The following EZR variants were observed in gnomAD, a reference collection of about 807,000 sequenced individuals.
EZR encodes the protein cytovillin 2.
EZR carries 40 observed loss-of-function variants against 74.8 expected under a neutral mutation model. The observed-to-expected ratio is 0.53, with a 90% CI of 0.42 to 0.70. The LOEUF (loss-of-function observed/expected upper bound fraction) is 0.70, where lower values mean the gene tolerates loss of function less well. EZR is among the 30% of genes least tolerant of loss of function. The pLI, the probability that EZR is intolerant of heterozygous loss-of-function variation, is 0.00. For synonymous variants in EZR, 341 were observed against 283.3 expected (o/e 1.20, Z -2.05); for missense variants, 678 against 755.8 (o/e 0.90, Z 1.21).
chr6:158,817,175 A>G (rs1583594583), intron 2 of EZR, among the ~76,000 whole-genome samples: 1 of 152,224 alleles, frequency 6.6e-6, no homozygotes, highest in East Asian at 1.9e-4. Context: ...CTGTAATCCC[A>G]ATTTGTAATG....
intron 5 of EZR, among the ~76,000 whole-genome samples, chr6:158,785,040 A>G (rs1456906786): frequency 6.6e-6 from 1 of 152,190 alleles, no homozygotes; most frequent in Non-Finnish European, 1.5e-5. Flanking sequence ...AACCTATCAT[A>G]CCCCAGGAGG....
Position 158,767,354 on chromosome 6 carries a change from C to CGCGCTGTAGCCCGTGGGCTCT in EZR, c.1482_1502dup (p.Pro496_Glu502dup). On this transcript the variant is annotated inframe_insertion, in exon 13 of 14. Coordinates refer to ENST00000367075, the MANE Select transcript of EZR (RefSeq NM_001111077.2). ...CCCGGATGCCCTCACTAGACAGCTC[C>CGCGCTGTAGCCCGTGGGCTCT]GCGCTGTAGCCCGTGGGCTCTGCGC... is the stretch of plus-strand genomic sequence containing the variant. The CGCGCTGTAGCCCGTGGGCTCT allele has an allele frequency of 6.2e-7, 1 of 1,614,066 alleles. No individual in the cohort carries two copies. The highest frequency in any genetic ancestry group is 8.5e-7 in the Non-Finnish European group (1 of 1,179,996).
At chr6:158,776,551 C>T (rs905591467) in intron 7 of EZR, 47 bp from the exon 8 acceptor site, 1 of 1,342,168 alleles carries the variant, frequency 7.5e-7, no homozygotes, top group Non-Finnish European at 1.0e-6. Context: ...TACATATGTT[C>T]TTGGATTGGC....
At chr6:158,816,533 C>G (rs890001236) in intron 2 of EZR, among the ~76,000 whole-genome samples, 1 of 152,194 alleles carries the variant, frequency 6.6e-6, no homozygotes, top group African/African-American at 2.4e-5. Flanking sequence ...GCACTCAGCT[C>G]TGCCTGAGTA....
At chr6:158,769,624 G>C (rs1791033474) in intron 11 of EZR, among the ~76,000 whole-genome samples, 160 bp downstream of exon 11, 1 of 152,124 alleles carries the variant, frequency 6.6e-6, no homozygotes. Flanking sequence ...GGTGACCCTG[G>C]CAACAGCCCA....
chr6:158,803,588 T>C (rs1350531505), intron 2 of EZR, among the ~76,000 whole-genome samples: 26 of 13,202 alleles, frequency 2.0e-3, no homozygotes, highest in South Asian at 7.9e-3. Context: ...TATACATATA[T>C]ATATATATAT....
At chr6:158,779,182 T>C (rs776377719) in intron 7 of EZR, among the ~76,000 whole-genome samples, 3 of 152,242 alleles carry the variant, frequency 2.0e-5, no homozygotes, top group Non-Finnish European at 4.4e-5. Flanking sequence ...AACAGCACTT[T>C]ATTCTTACCA....
At chr6:158,777,174 A>G (rs1220897296) in intron 7 of EZR, among the ~76,000 whole-genome samples, 1 of 152,268 alleles carries the variant, frequency 6.6e-6, no homozygotes, top group Non-Finnish European at 1.5e-5. Context: ...GGGAGGGCCA[A>G]GATCCCATCA....
chr6:158,772,530 C>A (rs1357514349), intron 8 of EZR, among the ~76,000 whole-genome samples: 1 of 152,188 alleles, frequency 6.6e-6, no homozygotes, highest in Non-Finnish European at 1.5e-5. Flanking sequence ...CCTTGCAAGA[C>A]CACAACCAGA....
rs1217778349 is a variant in EZR, at chr6:158,766,490, T to A, written c.*424A>T. On this transcript the variant is annotated 3_prime_UTR_variant, in exon 14 of 14. Coordinates refer to ENST00000367075, the MANE Select transcript of EZR (RefSeq NM_001111077.2). ...ATGTAAATATACAAAGATGGATCCT[T>A]CATAGAAATTAAAAAATCAATTTGA... The A allele has an allele frequency of 6.2e-6, 1 of 161,384 alleles. No individual in the cohort carries two copies. Among genetic ancestry groups the A allele is most frequent in the Non-Finnish European group, 1.3e-5 (1 of 74,166 alleles). 10.0% of individuals were successfully genotyped at this position (161,384 alleles called of 1,614,324 possible).
chr6:158,792,999 C>T (rs1272746419), intron 2 of EZR, among the ~76,000 whole-genome samples: 7 of 151,878 alleles, frequency 4.6e-5, no homozygotes, highest in South Asian at 2.1e-4. Context: ...CCCTATGGTA[C>T]GCAACCTCAA....
chr6:158,793,581 G>C (rs376258403), intron 2 of EZR, among the ~76,000 whole-genome samples: 5 of 152,176 alleles, frequency 3.3e-5, no homozygotes, highest in South Asian at 4.2e-4. Context: ...TTTCCCACTG[G>C]GGGTGCTCTT....
intron 1 of EZR, among the ~76,000 whole-genome samples, chr6:158,818,705 G>A (rs1436363969): frequency 6.6e-6 from 1 of 150,606 alleles, no homozygotes; most frequent in South Asian, 2.1e-4. Context: ...GGCGGGGAAA[G>A]GCCCGGGGAG....
At chr6:158,790,173 C>A (rs866404843) in intron 2 of EZR, among the ~76,000 whole-genome samples, 2 of 152,036 alleles carry the variant, frequency 1.3e-5, no homozygotes, top group Admixed American at 6.5e-5. Flanking sequence ...ATTATAATTA[C>A]GAAAATAGTA....
intron 2 of EZR, among the ~76,000 whole-genome samples, chr6:158,795,208 C>T (rs1408069128): frequency 2.0e-5 from 3 of 152,078 alleles, no homozygotes; most frequent in South Asian, 4.1e-4. Flanking sequence ...GCCAAGATCA[C>T]GCCACTGCAC....
Position 158,767,355 on chromosome 6 carries a change from G to A in EZR, c.1502C>T (p.Ala501Val), listed in dbSNP as rs144164935. Residue 501 changes from alanine to valine, a missense_variant, in exon 13 of 14, where the codon GCG (alanine) becomes GTG (valine). Transcript: ENST00000367075. ...DEGAEPTGYS[A>V]ELSSEGIRDD... is the part of the protein sequence containing the mutation. Reference sequence around the variant, plus strand: ...CCGGATGCCCTCACTAGACAGCTCCGCGCTGTAGCCCGTGGGCTCTGCGCC... The same window carrying A: ...CCGGATGCCCTCACTAGACAGCTCCACGCTGTAGCCCGTGGGCTCTGCGCC... 16 of 1,613,914 alleles carry A rather than the reference G, an allele frequency of 9.9e-6. No individual in the cohort carries two copies. Among genetic ancestry groups the A allele is most frequent in the African/African-American group, 4.0e-5 (3 of 74,876 alleles).
chr6:158,770,204 C>T (rs1038182685), intron 10 of EZR, among the ~76,000 whole-genome samples: 1 of 152,256 alleles, frequency 6.6e-6, no homozygotes, highest in Admixed American at 6.5e-5. Flanking sequence ...ACCCTCTTGG[C>T]GCTACTCTCC....
Position 158,769,905 on chromosome 6 carries a change from T to C in EZR, c.1130A>G (p.Glu377Gly), listed in dbSNP as rs1444141277. 6.2e-7 allele frequency: 1 copy of C among 1,612,910 alleles called. No homozygotes were observed. The highest frequency in any genetic ancestry group is 8.5e-7 in the Non-Finnish European group (1 of 1,179,996). The change falls in exon 11 of 14, where the codon GAG (glutamate) becomes GGG (glycine). Residue 377 changes from glutamate (E) to glycine (G), a missense_variant. By Grantham distance (98) the Glu-to-Gly change is moderately conservative. Transcript: ENST00000367075. ...CTCCTCCTGTGCCCGCTTCCTCTCC[T>C]CCTCCAGCTGCAGGGCCCTCTGAAT... Reference protein sequence around the residue: ...EQIQRALQLEEERKRAQEEAE... With the variant: ...EQIQRALQLEGERKRAQEEAE...
intron 2 of EZR, among the ~76,000 whole-genome samples, chr6:158,815,558 C>G (rs944537505): frequency 2.0e-5 from 3 of 152,234 alleles, no homozygotes; most frequent in African/African-American, 7.2e-5. Context: ...TCACTGCAGC[C>G]TTGACCTCCA....
Sources: gnomAD v4.1 joint callset for allele counts (sites outside exome capture counted in the v4.1 genomes callset) on GRCh38, gnomAD v4.1.1 for gene constraint, MANE v1.5 for transcripts, NCBI Gene and HGNC (gene_info 2026-07-23, HGNC 2026-07-21) for gene names.